Variants in ARHGAP26 observed in about 807,000 individuals in gnomAD.
ARHGAP26 encodes rho GTPase-activating protein 26.
Under a neutral mutation model 104.8 loss-of-function variants are expected in ARHGAP26, and 38 were observed. The observed-to-expected ratio is 0.36, with a 90% CI of 0.28 to 0.48. The LOEUF (loss-of-function observed/expected upper bound fraction) is 0.48, where lower values mean the gene tolerates loss of function less well. Ranked by LOEUF, ARHGAP26 falls within the 20% of genes least tolerant of loss-of-function variation. ARHGAP26 has a pLI of 0.99. For missense variants in ARHGAP26, 704 were observed against 947.9 expected (o/e 0.74, Z 3.38); for synonymous variants, 341 against 340.0 (o/e 1.00, Z -0.03).
intron 17 of ARHGAP26, among the ~76,000 whole-genome samples, chr5:143,110,609 A>G (rs1218504693): frequency 6.6e-6 from 1 of 152,236 alleles, no homozygotes; most frequent in African/African-American, 2.4e-5. Context: ...ACCCTCTGGC[A>G]TCTTTTTCTA....
chr5:142,989,319 C>T (rs970312499), intron 11 of ARHGAP26, among the ~76,000 whole-genome samples: 2 of 151,924 alleles, frequency 1.3e-5, no homozygotes, highest in Admixed American at 6.6e-5. Context: ...GCAACTCCTG[C>T]TTTTTTTTGT....
intron 11 of ARHGAP26, among the ~76,000 whole-genome samples, chr5:142,937,939 A>T: frequency 6.6e-6 from 1 of 152,172 alleles, no homozygotes; most frequent in East Asian, 1.9e-4. Context: ...TGGTGATGGA[A>T]TAGTTCTGTG....
chr5:143,121,689 T>C (rs546509381), intron 18 of ARHGAP26, among the ~76,000 whole-genome samples: 2 of 152,346 alleles, frequency 1.3e-5, no homozygotes, highest in East Asian at 3.9e-4. Flanking sequence ...TGTCTTTTCT[T>C]TTGGGGAATT....
chr5:142,942,276 G>T (rs569873497), intron 11 of ARHGAP26, among the ~76,000 whole-genome samples: 3 of 152,068 alleles, frequency 2.0e-5, no homozygotes, highest in Non-Finnish European at 4.4e-5. Flanking sequence ...TTGGCAATCA[G>T]GTAAAGCCTT....
intron 1 of ARHGAP26, among the ~76,000 whole-genome samples, chr5:142,805,019 G>A (rs146909805): frequency 2.6e-5 from 4 of 152,070 alleles, no homozygotes; most frequent in African/African-American, 7.2e-5. Context: ...CATGTGTCAC[G>A]AGCTTATTCC....
At chr5:143,189,490 A>T (rs1029442791) in intron 20 of ARHGAP26, among the ~76,000 whole-genome samples, 22 of 152,118 alleles carry the variant, frequency 1.4e-4, no homozygotes, top group Non-Finnish European at 3.1e-4. Flanking sequence ...ATAGCTCTTA[A>T]TACCACCTAA....
intron 11 of ARHGAP26, among the ~76,000 whole-genome samples, chr5:142,944,775 A>G (rs1766858362): frequency 6.6e-6 from 1 of 152,110 alleles, no homozygotes; most frequent in Admixed American, 6.5e-5. Context: ...TCCTTGCTTG[A>G]GTTTCTGGCC....
At chr5:142,826,183 T>G (rs1179729441) in intron 1 of ARHGAP26, among the ~76,000 whole-genome samples, 1 of 152,220 alleles carries the variant, frequency 6.6e-6, no homozygotes, top group East Asian at 1.9e-4. Context: ...TTTATATATT[T>G]AACAGACTAA....
intron 11 of ARHGAP26, among the ~76,000 whole-genome samples, chr5:142,993,171 T>C (rs1156517554): frequency 1.4e-5 from 2 of 146,356 alleles, no homozygotes; most frequent in East Asian, 4.0e-4. Flanking sequence ...TTTTTTTTTT[T>C]TTTTTTTTTG....
intron 22 of ARHGAP26, among the ~76,000 whole-genome samples, chr5:143,219,278 C>G (rs1810825626): frequency 2.0e-5 from 3 of 152,144 alleles, no homozygotes; most frequent in Admixed American, 2.0e-4. Context: ...AAGCTGGGAT[C>G]CTGAGGATCA....
At chr5:143,195,379 CA>C (rs1187773971) in intron 20 of ARHGAP26, among the ~76,000 whole-genome samples, 4 of 152,184 alleles carry the variant, frequency 2.6e-5, no homozygotes, top group African/African-American at 9.7e-5. Flanking sequence ...CCTTTGTTTT[CA>C]GCAGTGGACA....
At position 142,903,681 on chromosome 5, in the gene ARHGAP26, G is replaced by C. The variant is rs770002771; in HGVS notation, c.832+12G>C. The stretch of plus-strand genomic sequence containing the variant: ...CGTGCAGGAGAAACGTGAGTGCTTT[G>C]ACTAGCAACAGCTTGGGATGTACTC... On this transcript the variant is annotated intron_variant, in intron 8 of 22. Coordinates refer to ENST00000645722, the MANE Select transcript of ARHGAP26 (RefSeq NM_001135608.3). The C allele has an allele frequency of 3.1e-6, 5 of 1,612,408 alleles. No individual in the cohort carries two copies. The highest frequency in any genetic ancestry group is 4.2e-6 in the Non-Finnish European group (5 of 1,179,302).
rs149045754 is a variant in ARHGAP26, at chr5:143,044,619, A to G, written c.1285+2729A>G. Reference sequence around the variant, plus strand: ...GGGGTGGGGACGGGGTTAGTCCCTGAAACCCAGTGGACTGAGCAGGATTAT... The same window carrying G: ...GGGGTGGGGACGGGGTTAGTCCCTGGAACCCAGTGGACTGAGCAGGATTAT... On this transcript the variant is annotated intron_variant, in intron 14 of 22. Coordinates refer to ENST00000645722, the MANE Select transcript of ARHGAP26 (RefSeq NM_001135608.3). Among the ~76,000 whole-genome samples the G allele has an allele frequency of 2.1e-3, 313 of 152,286 alleles. 5 individuals carry two copies. The East Asian group carries it at 0.041, about 20-fold the overall frequency.
At chr5:143,046,272 C>G (rs1784227609) in intron 14 of ARHGAP26, among the ~76,000 whole-genome samples, 1 of 152,172 alleles carries the variant, frequency 6.6e-6, no homozygotes, top group South Asian at 2.1e-4. Flanking sequence ...CCACTGAACT[C>G]CAGCCTGAAT....
intron 22 of ARHGAP26, among the ~76,000 whole-genome samples, chr5:143,218,613 G>A (rs577281938): frequency 6.6e-5 from 10 of 152,258 alleles, no homozygotes; most frequent in African/African-American, 1.9e-4. Flanking sequence ...GGGTAGAGCC[G>A]AGAGAAAGTG....
At chr5:143,056,242 A>G (rs1785788713) in intron 16 of ARHGAP26, among the ~76,000 whole-genome samples, 156 bp downstream of exon 16, 6 of 152,010 alleles carry the variant, frequency 3.9e-5, no homozygotes, top group Non-Finnish European at 8.8e-5. Context: ...CGGAATAAAA[A>G]GGAAACAAAT....
At chr5:142,793,406 G>T (rs1335661661) in intron 1 of ARHGAP26, among the ~76,000 whole-genome samples, 1 of 151,720 alleles carries the variant, frequency 6.6e-6, no homozygotes, top group Non-Finnish European at 1.5e-5. Context: ...TGATCACTTG[G>T]TGTTAAATTA....
At chr5:143,221,213 G>A (rs1337100503) in intron 22 of ARHGAP26, among the ~76,000 whole-genome samples, 1 of 151,998 alleles carries the variant, frequency 6.6e-6, no homozygotes, top group Non-Finnish European at 1.5e-5. Context: ...ATATCACAAT[G>A]GTTTCCATGG....
Position 142,871,167 on chromosome 5 carries a change from G to A in ARHGAP26, c.155-2233G>A, listed in dbSNP as rs936789408. Among the ~76,000 whole-genome samples, 1 of 152,154 alleles carries A rather than the reference G, an allele frequency of 6.6e-6. No homozygotes were observed. Among genetic ancestry groups the A allele is most frequent in the Non-Finnish European group, 1.5e-5 (1 of 68,038 alleles). On this transcript the variant is annotated intron_variant, in intron 1 of 22. Transcript: ENST00000645722. This position sits in a 1 kb window ranked among gnomAD's most constrained non-coding sequence, Gnocchi z 4.1. ...TCATGGGGTCCTCACTGCTTCTCAG[G>A]CTTGCACTGTGGCAGGGTGTGCTCT...
Sources: gnomAD v4.1 joint callset for allele counts (sites outside exome capture counted in the v4.1 genomes callset) on GRCh38, gnomAD v4.1.1 for gene constraint, Gnocchi (gnomAD v3.1) non-coding constraint, MANE v1.5 for transcripts, NCBI Gene and HGNC (gene_info 2026-07-23, HGNC 2026-07-21) for gene names.